Variants in CNBD1 observed in about 807,000 individuals in gnomAD.
CNBD1 encodes cyclic nucleotide binding domain containing 1.
A neutral mutation model predicts 54.4 loss-of-function variants in CNBD1; 71 were observed. The ratio of observed to expected loss-of-function variants is 1.30; its 90% CI spans 1.08 to 1.59. The LOEUF (loss-of-function observed/expected upper bound fraction) is 1.59, where lower values mean the gene tolerates loss of function less well. Ranked by LOEUF, CNBD1 falls within the 40% of genes most tolerant of loss-of-function variation. The probability of loss-of-function intolerance (pLI) is 0.00; values close to 1 mark genes in which losing one functional copy is unlikely to be tolerated. For synonymous variants in CNBD1, 182 were observed against 170.7 expected (o/e 1.07, Z -0.51); for missense variants, 659 against 518.0 (o/e 1.27, Z -2.64).
intron 4 of CNBD1, among the ~76,000 whole-genome samples, chr8:87,123,493 C>T (rs1811929538): frequency 6.6e-6 from 1 of 151,524 alleles, no homozygotes; most frequent in South Asian, 2.1e-4. Context: ...CATAACACAT[C>T]CCCAAATTAT....
intron 4 of CNBD1, among the ~76,000 whole-genome samples, chr8:87,050,879 T>G (rs1244082316): frequency 6.6e-6 from 1 of 152,174 alleles, no homozygotes; most frequent in Non-Finnish European, 1.5e-5. Context: ...TATCTAGTCC[T>G]TTTTCAGCTT....
chr8:87,131,010 G>A (rs1586277145), intron 4 of CNBD1, among the ~76,000 whole-genome samples: 1 of 151,664 alleles, frequency 6.6e-6, no homozygotes, highest in Non-Finnish European at 1.5e-5. Context: ...AACAACTCCA[G>A]CCTTCTTACC....
At position 86,870,189 on chromosome 8, in the gene CNBD1, C is replaced by CTTTTTTTTTTTTT. The variant is rs71275890; in HGVS notation, c.88+3609_88+3621dup. On this transcript the variant is annotated intron_variant, in intron 1 of 10. Transcript: ENST00000518476. ...AGAAATTTAGAAACAAGATAGTACT[C>CTTTTTTTTTTTTT]TTTTTTTTTTTTTTTCTGAGACGGA... 9.8e-4 allele frequency among the ~76,000 whole-genome samples: 99 copies of CTTTTTTTTTTTTT among 100,592 alleles called. 14 individuals carry two copies. Among genetic ancestry groups the CTTTTTTTTTTTTT allele is most frequent in the African/African-American group, 3.1e-3 (78 of 24,910 alleles). The allele number at this position is 100,592 out of a possible 152,430, so 66.0% of individuals were successfully genotyped here.
intron 6 of CNBD1, among the ~76,000 whole-genome samples, chr8:87,247,172 A>G (rs1807822705): frequency 6.6e-6 from 1 of 152,140 alleles, no homozygotes; most frequent in African/African-American, 2.4e-5. Flanking sequence ...GTTGTCTCAA[A>G]CATACTTTTA....
At chr8:86,882,198 T>G (rs1808614962) in intron 1 of CNBD1, among the ~76,000 whole-genome samples, 1 of 151,996 alleles carries the variant, frequency 6.6e-6, no homozygotes, top group Non-Finnish European at 1.5e-5. Context: ...AAACTAGAGT[T>G]TCTTCACAGC....
chr8:87,133,760 A>G (rs574966791), intron 4 of CNBD1, among the ~76,000 whole-genome samples: 12 of 152,084 alleles, frequency 7.9e-5, no homozygotes, highest in Admixed American at 1.3e-4. Flanking sequence ...AATGAGCTAT[A>G]TAATTATGTT....
At chr8:86,950,828 A>T (rs1382608956) in intron 4 of CNBD1, among the ~76,000 whole-genome samples, 1 of 151,866 alleles carries the variant, frequency 6.6e-6, no homozygotes, top group Non-Finnish European at 1.5e-5. Flanking sequence ...CTTATTATTG[A>T]TCTGTTCAGT....
chr8:87,420,073 TAAC>T (rs921699426), intron 2 of CNBD1, among the ~76,000 whole-genome samples: 3 of 151,766 alleles, frequency 2.0e-5, no homozygotes, highest in African/African-American at 4.8e-5. Context: ...AAGATTCATT[TAAC>T]AATAACAAAG....
At chr8:86,926,421 G>T (rs1385812977) in intron 3 of CNBD1, among the ~76,000 whole-genome samples, 2 of 152,174 alleles carry the variant, frequency 1.3e-5, no homozygotes. Flanking sequence ...ACCATCTGTA[G>T]CTTGATGGCC....
intron 8 of CNBD1, among the ~76,000 whole-genome samples, chr8:87,321,323 T>C (rs1031766873): frequency 6.6e-6 from 1 of 152,196 alleles, no homozygotes; most frequent in African/African-American, 2.4e-5. Flanking sequence ...AATTTCAACA[T>C]GTCCTTACCA....
chr8:86,994,126 G>T (rs1586186296), intron 4 of CNBD1, among the ~76,000 whole-genome samples: 1 of 152,162 alleles, frequency 6.6e-6, no homozygotes. Flanking sequence ...CCCAACTCTG[G>T]TGCCATCCAC....
chr8:87,018,263 A>C (rs1417953549), intron 4 of CNBD1, among the ~76,000 whole-genome samples: 1 of 152,208 alleles, frequency 6.6e-6, no homozygotes, highest in Non-Finnish European at 1.5e-5. Flanking sequence ...ACAAAAAACA[A>C]AACAAAAAAA....
At chr8:86,877,540 A>G (rs943623734) in intron 1 of CNBD1, among the ~76,000 whole-genome samples, 1 of 152,246 alleles carries the variant, frequency 6.6e-6, no homozygotes, top group Non-Finnish European at 1.5e-5. Context: ...TCTGTGACCA[A>G]AGTTTTTCAC....
intron 4 of CNBD1, among the ~76,000 whole-genome samples, chr8:87,137,089 T>TATATTCTATGTAAATTATATA (rs1463018731): frequency 1.0e-5 from 1 of 99,882 alleles, no homozygotes; most frequent in African/African-American, 4.3e-5. Flanking sequence ...TTATATATAT[T>TATATTCTATGTAAATTATATA]TATATTATAT....
chr8:87,364,527 C>T (rs1439969817), intron 10 of CNBD1, among the ~76,000 whole-genome samples: 1 of 151,260 alleles, frequency 6.6e-6, no homozygotes, highest in Non-Finnish European at 1.5e-5. Flanking sequence ...AGTACATGTG[C>T]AAGTTTGTTA....
At chr8:87,124,598 A>G (rs947955623) in intron 4 of CNBD1, among the ~76,000 whole-genome samples, 5 of 151,794 alleles carry the variant, frequency 3.3e-5, no homozygotes, top group African/African-American at 1.2e-4. Context: ...ACAAAATTCA[A>G]CACCCTTTTA....
chr8:86,983,412 A>T (rs189935570), intron 4 of CNBD1, among the ~76,000 whole-genome samples: 1 of 152,300 alleles, frequency 6.6e-6, no homozygotes, highest in East Asian at 1.9e-4. Flanking sequence ...AGAGTGGGGC[A>T]CTGCTGAAAA....
chr8:87,002,323 C>G (rs1462945751), intron 4 of CNBD1, among the ~76,000 whole-genome samples: 2 of 152,144 alleles, frequency 1.3e-5, no homozygotes, highest in African/African-American at 4.8e-5. Flanking sequence ...ATAGATTGTT[C>G]TTCGCATAGT....
intron 2 of CNBD1, among the ~76,000 whole-genome samples, chr8:87,402,952 T>A (rs1807593702): frequency 6.6e-6 from 1 of 152,062 alleles, no homozygotes; most frequent in South Asian, 2.1e-4. Flanking sequence ...AATGTTTATA[T>A]CATACAATTG....
Sources: gnomAD v4.1 joint callset for allele counts (sites outside exome capture counted in the v4.1 genomes callset) on GRCh38, gnomAD v4.1.1 for gene constraint, MANE v1.5 for transcripts, NCBI Gene and HGNC (gene_info 2026-07-23, HGNC 2026-07-21) for gene names.